The following KANSL1 variants were observed in gnomAD, a reference collection of about 807,000 sequenced individuals.
The protein encoded by KANSL1 is KAT8 regulatory NSL complex subunit 1.
Under a neutral mutation model 103.6 loss-of-function variants are expected in KANSL1, and 22 were observed. The observed-to-expected ratio is 0.21, with a 90% CI of 0.15 to 0.30. The LOEUF (loss-of-function observed/expected upper bound fraction) is 0.30. Ranked by LOEUF, KANSL1 falls within the 10% of genes least tolerant of loss-of-function variation. KANSL1 has a pLI of 1.00. For synonymous variants in KANSL1, 600 were observed against 527.6 expected (o/e 1.14, Z -1.88); for missense variants, 1,337 against 1,399.8 (o/e 0.96, Z 0.72).
intron 1 of KANSL1, among the ~76,000 whole-genome samples, chr17:46,205,188 T>G (rs773209383): frequency 6.6e-5 from 10 of 152,204 alleles, no homozygotes; most frequent in Admixed American, 3.3e-4. Flanking sequence ...TATTTGCAGA[T>G]GATATAATCT....
chr17:46,077,541 T>C (rs1342206624), intron 4 of KANSL1, among the ~76,000 whole-genome samples: 1 of 152,092 alleles, frequency 6.6e-6, no homozygotes, highest in Non-Finnish European at 1.5e-5. Flanking sequence ...ATGGTTATTA[T>C]TCTTGAAGTT....
In KANSL1 at chr17:46,052,686, T is replaced by C. The variant is rs1008700514; in HGVS notation, c.1849-1982A>G. Among the ~76,000 whole-genome samples the C allele has an allele frequency of 9.3e-5, 14 of 150,252 alleles. No individual in the cohort carries two copies. The Admixed American group carries it at 9.3e-4, about 10-fold the overall frequency. On this transcript the variant is annotated intron_variant, in intron 6 of 14. Coordinates refer to ENST00000432791, the MANE Select transcript of KANSL1 (RefSeq NM_015443.4). Reference sequence around the variant, plus strand: ...GTGGCTAGGCGTGGTGGCTCACAACTGTAATCCCAAAACTTTGAGGTGGGA... The same window carrying C: ...GTGGCTAGGCGTGGTGGCTCACAACCGTAATCCCAAAACTTTGAGGTGGGA...
chr17:46,075,538 T>C (rs978180840), intron 4 of KANSL1, among the ~76,000 whole-genome samples: 3 of 152,158 alleles, frequency 2.0e-5, no homozygotes, highest in Admixed American at 6.5e-5. Flanking sequence ...GGTTTCACCA[T>C]GTTGGCCAGG....
intron 2 of KANSL1, among the ~76,000 whole-genome samples, chr17:46,112,726 T>A (rs2042874969): frequency 7.1e-6 from 1 of 140,224 alleles, no homozygotes; most frequent in African/African-American, 3.1e-5. Context: ...GCAGATAAAT[T>A]TTTTTTTTTT....
chr17:46,136,911 G>GTTACTT (rs1555562252), intron 2 of KANSL1, among the ~76,000 whole-genome samples: 1 of 152,196 alleles, frequency 6.6e-6, no homozygotes, highest in East Asian at 1.9e-4. Context: ...AATGTTCATG[G>GTTACTT]TTACTTTTAC....
intron 1 of KANSL1, among the ~76,000 whole-genome samples, chr17:46,185,543 T>C (rs1216676633): frequency 1.3e-5 from 2 of 152,138 alleles, no homozygotes; most frequent in Non-Finnish European, 2.9e-5. Context: ...AACAGAAATA[T>C]TCTCATAGGT....
upstream of KANSL1, among the ~76,000 whole-genome samples, chr17:46,195,242 G>A (rs186672050): frequency 1.6e-3 from 237 of 152,324 alleles, no homozygotes; most frequent in African/African-American, 5.6e-3. Flanking sequence ...CCTTTGCAGC[G>A]TATACTTAAA....
intron 2 of KANSL1, among the ~76,000 whole-genome samples, chr17:46,140,376 A>G (rs1182575936): frequency 6.6e-6 from 1 of 152,198 alleles, no homozygotes; most frequent in East Asian, 1.9e-4. Flanking sequence ...TTGGATTCCT[A>G]CCTCACACCA....
At chr17:46,107,076 G>C (rs2147073711) in intron 2 of KANSL1, among the ~76,000 whole-genome samples, 1 of 152,300 alleles carries the variant, frequency 6.6e-6, no homozygotes, top group South Asian at 2.1e-4. Context: ...ACCGAAAGAA[G>C]GTAACCCAAG....
At chr17:46,215,161 T>A (rs2048300357) in intron 1 of KANSL1, 1 of 152,286 alleles carries the variant, frequency 6.6e-6, no homozygotes, top group South Asian at 2.1e-4. Context: ...ACCAATATAC[T>A]TGGACCAGCC....
intron 2 of KANSL1, among the ~76,000 whole-genome samples, chr17:46,098,336 C>A (rs1254816685): frequency 1.3e-5 from 2 of 152,188 alleles, no homozygotes; most frequent in African/African-American, 4.8e-5. Context: ...CACCACTGGG[C>A]AACCCCAACA....
At chr17:46,033,373 GTTC>G (rs758257429) in intron 12 of KANSL1, 27 bp downstream of exon 12, 15 of 1,606,434 alleles carry the variant, frequency 9.3e-6, no homozygotes, top group Admixed American at 3.3e-5. Flanking sequence ...GTACACACGT[GTTC>G]TTCTAACAGA....
chr17:46,056,936 G>T (rs1275121159), intron 6 of KANSL1, among the ~76,000 whole-genome samples: 1 of 152,116 alleles, frequency 6.6e-6, no homozygotes, highest in Admixed American at 6.5e-5. Flanking sequence ...CCCAATTTGT[G>T]AAAATGAGTA....
At chr17:46,146,036 G>A (rs1416291314) in intron 2 of KANSL1, among the ~76,000 whole-genome samples, 2 of 152,108 alleles carry the variant, frequency 1.3e-5, no homozygotes, top group African/African-American at 2.4e-5. Context: ...GCCCATACTA[G>A]CTTTTCTGAA....
chr17:46,118,116 T>C (rs2043121413), intron 2 of KANSL1, among the ~76,000 whole-genome samples: 1 of 152,148 alleles, frequency 6.6e-6, no homozygotes, highest in Admixed American at 6.5e-5. Flanking sequence ...TAATAATCTG[T>C]GATATGAAGC....
At chr17:46,070,174 C>T (rs1008525637) in intron 4 of KANSL1, among the ~76,000 whole-genome samples, 3 of 152,160 alleles carry the variant, frequency 2.0e-5, no homozygotes, top group African/African-American at 7.2e-5. Context: ...CAAAGGTGGT[C>T]ACTGCAATGA....
At chr17:46,115,445 C>CGA (rs59921536) in intron 2 of KANSL1, among the ~76,000 whole-genome samples, 54,698 of 151,116 alleles carry the variant, frequency 0.36, 11,104 homozygotes, top group East Asian at 0.84. Context: ...ATAAAGCTAT[C>CGA]GAGTGTCAAC....
chr17:46,056,836 C>T (rs1330982283), intron 6 of KANSL1, among the ~76,000 whole-genome samples: 1 of 152,204 alleles, frequency 6.6e-6, no homozygotes, highest in Non-Finnish European at 1.5e-5. Context: ...TTCTCAACAG[C>T]TGGCACTTCT....
At chr17:46,218,429 G>A (rs2942186) in intron 1 of KANSL1, among the ~76,000 whole-genome samples, 18,609 of 150,122 alleles carry the variant, frequency 0.12, 23 homozygotes, top group Middle Eastern at 0.19. Context: ...AGCTTACCCA[G>A]TATCACATAG....
Sources: gnomAD v4.1 joint callset for allele counts (sites outside exome capture counted in the v4.1 genomes callset) on GRCh38, gnomAD v4.1.1 for gene constraint, MANE v1.5 for transcripts, NCBI Gene and HGNC (gene_info 2026-07-23, HGNC 2026-07-21) for gene names.